HGF: variants seen among roughly 807,000 people sequenced by gnomAD.
HGF encodes the protein hepatocyte growth factor.
In HGF, 39 loss-of-function variants were observed where a neutral mutation model predicts 111.6. The ratio of observed to expected loss-of-function variants is 0.35; its 90% CI spans 0.27 to 0.46. HGF has a LOEUF of 0.46. Ranked by LOEUF, HGF falls within the 20% of genes least tolerant of loss-of-function variation. The pLI, the probability that HGF is intolerant of heterozygous loss-of-function variation, is 1.00. For missense variants in HGF, 735 were observed against 910.5 expected, an observed-to-expected ratio of 0.81 and a Z score of 2.48; for synonymous variants, 285 against 294.8, an observed-to-expected ratio of 0.97 and a Z score of 0.34.
chr7:81,736,100 C>G (rs765600946), intron 7 of HGF, among the ~76,000 whole-genome samples: 1 of 152,080 alleles, frequency 6.6e-6, no homozygotes, highest in Non-Finnish European at 1.5e-5. Context: ...TATCAAAGAT[C>G]TACCCACGTC....
chr7:81,752,844 C>CA, intron 4 of HGF, among the ~76,000 whole-genome samples: 1 of 152,066 alleles, frequency 6.6e-6, no homozygotes, highest in Middle Eastern at 3.2e-3. Flanking sequence ...TAGCTTCTCT[C>CA]AGCCTATTAG....
At chr7:81,711,859 G>A (rs1242576856) in intron 11 of HGF, among the ~76,000 whole-genome samples, 1 of 152,048 alleles carries the variant, frequency 6.6e-6, no homozygotes, top group Non-Finnish European at 1.5e-5. Flanking sequence ...GGCCAGGCTG[G>A]TCTCAAACTC....
chr7:81,721,535 C>G (rs548338168), intron 9 of HGF, among the ~76,000 whole-genome samples: 2 of 152,262 alleles, frequency 1.3e-5, no homozygotes, highest in African/African-American at 2.4e-5. Flanking sequence ...CATTCATCTC[C>G]TAGTCACATT....
rs1789300047 is a variant in HGF, at chr7:81,702,236, A to G, written c.*345T>C. ...ATTTGTGGTTTACTCATTATTAAGA[A>G]ACCAACATCAGAAAGCAGCTTAGAC... On this transcript the variant is annotated 3_prime_UTR_variant, in exon 18 of 18. Coordinates refer to ENST00000222390, the MANE Select transcript of HGF (RefSeq NM_000601.6). The G allele has an allele frequency of 3.9e-6, 1 of 258,372 alleles. No homozygotes were observed. The highest frequency in any genetic ancestry group is 2.2e-5 in the African/African-American group (1 of 45,712). 16.0% of individuals were successfully genotyped at this position (258,372 alleles called of 1,614,324 possible).
At chr7:81,764,357 T>G (rs1358472539) in intron 1 of HGF, among the ~76,000 whole-genome samples, 1 of 152,124 alleles carries the variant, frequency 6.6e-6, no homozygotes, top group Non-Finnish European at 1.5e-5. Flanking sequence ...CAAAAGACAA[T>G]ACTAATTCCT....
At chr7:81,763,478 C>G (rs567019447) in intron 1 of HGF, among the ~76,000 whole-genome samples, 1 of 152,078 alleles carries the variant, frequency 6.6e-6, no homozygotes, top group African/African-American at 2.4e-5. Context: ...GTCTTGAGAT[C>G]AAGCCAAATG....
rs1562892294 is a variant in HGF, at chr7:81,743,406, C to A, written c.812G>T (p.Cys271Phe). The change falls in exon 7 of 18, where the codon TGC (cysteine) becomes TTC (phenylalanine). Residue 271 changes from cysteine to phenylalanine, a missense_variant. Physicochemically the swap from Cys to Phe is radical, Grantham distance 205. Transcript: ENST00000222390. The part of the protein sequence containing the change: ...RNPDGQPRPW[C>F]YTLDPHTRWE... Reference sequence around the variant, plus strand: ...GCGGGTGTGAGGGTCAAGAGTATAGCACCATGGCCTCGGCTGGCCATCGGG... The same window carrying A: ...GCGGGTGTGAGGGTCAAGAGTATAGAACCATGGCCTCGGCTGGCCATCGGG... 2 of 1,613,842 alleles carry A rather than the reference C, an allele frequency of 1.2e-6. No homozygotes were observed. Among genetic ancestry groups the A allele is most frequent in the Non-Finnish European group, 1.7e-6 (2 of 1,179,786 alleles).
chr7:81,736,780 A>G, intron 7 of HGF: 1 of 463,014 alleles, frequency 2.2e-6, no homozygotes, highest in Non-Finnish European at 4.3e-6. Context: ...GTGGAGGTAT[A>G]TGAAGTCACA....
At chr7:81,754,443 T>C (rs1788662209) in intron 4 of HGF, among the ~76,000 whole-genome samples, 1 of 151,688 alleles carries the variant, frequency 6.6e-6, no homozygotes, top group Non-Finnish European at 1.5e-5. Flanking sequence ...AAAAAAGCTG[T>C]GAGGAAGTAG....
chr7:81,762,451 T>G (rs1789133032), intron 2 of HGF, among the ~76,000 whole-genome samples: 1 of 152,176 alleles, frequency 6.6e-6, no homozygotes, highest in Non-Finnish European at 1.5e-5. Flanking sequence ...ATTCAATTGC[T>G]CATCAGATGA....
In HGF at chr7:81,701,865, C is replaced by G. The variant is rs1223806705; in HGVS notation, c.*716G>C. 2 of 153,118 alleles carry G rather than the reference C, an allele frequency of 1.3e-5. No homozygotes were observed. The highest frequency in any genetic ancestry group is 2.4e-5 in the African/African-American group (1 of 41,436). 9.5% of individuals were successfully genotyped at this position (153,118 alleles called of 1,614,324 possible). ...CTGCAGATTATGTATGGAGAATTAG[C>G]TAATCATTTTGATCTTGCATCATTT... On this transcript the variant is annotated 3_prime_UTR_variant, in exon 18 of 18. Transcript: ENST00000222390.
Position 81,703,929 on chromosome 7 carries a change from A to T in HGF, c.2011-1172T>A, listed in dbSNP as rs1789355803. ...TATGCCAGTTGAGGAAAGAAAACTGATTTTTAAACAAATGTACTAGTGATT... is the reference window on the plus strand; with the variant it reads ...TATGCCAGTTGAGGAAAGAAAACTGTTTTTTAAACAAATGTACTAGTGATT... On this transcript the variant is annotated intron_variant, in intron 17 of 17. Transcript: ENST00000222390. Among the ~76,000 whole-genome samples, 5 of 151,738 alleles carry T rather than the reference A, an allele frequency of 3.3e-5. No homozygotes were observed. In the South Asian group the frequency reaches 1.0e-3, roughly 31 times the overall value.
At chr7:81,747,632 T>C (rs1009981416) in intron 5 of HGF, among the ~76,000 whole-genome samples, 1 of 152,220 alleles carries the variant, frequency 6.6e-6, no homozygotes, top group Non-Finnish European at 1.5e-5. Flanking sequence ...TGAATTGAGA[T>C]ACTTAAATAT....
intron 1 of HGF, among the ~76,000 whole-genome samples, chr7:81,765,934 G>A (rs540354308): frequency 2.0e-5 from 3 of 152,244 alleles, no homozygotes; most frequent in South Asian, 4.2e-4. Flanking sequence ...ATATTGAAAT[G>A]AAATCAAAGG....
At chr7:81,727,063 CAG>C (rs1387234782) in intron 8 of HGF, among the ~76,000 whole-genome samples, 3 of 140,022 alleles carry the variant, frequency 2.1e-5, no homozygotes, top group African/African-American at 5.4e-5. Flanking sequence ...TTTTTTTAAA[CAG>C]AGTCTCGTTC....
intron 1 of HGF, among the ~76,000 whole-genome samples, chr7:81,767,360 T>C (rs1245757242): frequency 5.3e-5 from 8 of 152,098 alleles, no homozygotes; most frequent in Non-Finnish European, 1.2e-4. Flanking sequence ...CTCTGTCCCT[T>C]AACTCACAAA....
chr7:81,710,103 G>GT, intron 13 of HGF, 44 bp downstream of exon 13: 1 of 1,283,580 alleles, frequency 7.8e-7, no homozygotes, highest in Non-Finnish European at 1.1e-6. Context: ...GGACTCTCTT[G>GT]TACATATTCT....
chr7:81,745,625 A>G (rs1309127370), intron 5 of HGF, among the ~76,000 whole-genome samples: 2 of 152,244 alleles, frequency 1.3e-5, no homozygotes, highest in Non-Finnish European at 2.9e-5. Flanking sequence ...CTGGCTTCAT[A>G]TAGAAATCTG....
At position 81,699,395 on chromosome 7, in the gene HGF, T is replaced by C. The variant is rs976009652; in HGVS notation, c.*3186A>G. The C allele has an allele frequency of 1.3e-5, 2 of 151,636 alleles. No individual in the cohort carries two copies. The highest frequency in any genetic ancestry group is 6.6e-5 in the Admixed American group (1 of 15,164). The allele number at this position is 151,636 out of a possible 1,614,324, so 9.4% of individuals were successfully genotyped here. A position where few individuals can be genotyped will look rare whatever the true frequency, so the allele number is the denominator to read the frequency against. On this transcript the variant is annotated 3_prime_UTR_variant, in exon 18 of 18. Transcript: ENST00000222390. ...TCTTTTTGGACTTTATCATGACAAGTGATTTATTTTAAAATTATGTATTTT... is the reference window on the plus strand; with the variant it reads ...TCTTTTTGGACTTTATCATGACAAGCGATTTATTTTAAAATTATGTATTTT...
Sources: allele counts gnomAD v4.1 joint callset (sites outside exome capture counted in the v4.1 genomes callset), GRCh38; gene constraint gnomAD v4.1.1; transcripts MANE v1.5; gene names NCBI Gene and HGNC (gene_info 2026-07-23, HGNC 2026-07-21).